LRRC3B: variants seen among roughly 807,000 people sequenced by gnomAD.
The protein encoded by LRRC3B is leucine rich repeat containing 3B, also known as leucine-rich repeat-containing protein 3B.
In LRRC3B, 2 loss-of-function variants were observed where a neutral mutation model predicts 12.8. The observed-to-expected ratio is 0.16, with a 90% CI of 0.06 to 0.49. The LOEUF (loss-of-function observed/expected upper bound fraction) is 0.49, where lower values mean the gene tolerates loss of function less well. Among genes scored for constraint, LRRC3B ranks in the 20% least tolerant of loss-of-function variants. The pLI is 0.96. For synonymous variants in LRRC3B, 132 were observed against 122.0 expected, an observed-to-expected ratio of 1.08 and a Z score of -0.54; for missense variants, 189 against 319.4, an observed-to-expected ratio of 0.59 and a Z score of 3.11.
chr3:26,631,037 T>C (rs1251234484), intron 1 of LRRC3B, among the ~76,000 whole-genome samples: 1 of 152,144 alleles, frequency 6.6e-6, no homozygotes, highest in African/African-American at 2.4e-5. Flanking sequence ...CTTTTTCTGC[T>C]CTGTTCTTAG....
At chr3:26,633,903 A>G (rs1189512058) in intron 1 of LRRC3B, among the ~76,000 whole-genome samples, 1 of 152,210 alleles carries the variant, frequency 6.6e-6, no homozygotes, top group Non-Finnish European at 1.5e-5. Flanking sequence ...GGTTTTCCAA[A>G]AAGTGTCAGA....
rs116375071 is a variant in LRRC3B at position 26,685,982 on chromosome 3, G to A, written c.-160-23531G>A. Among the ~76,000 whole-genome samples the A allele has an allele frequency of 7.9e-3, 1,203 of 152,104 alleles. 14 individuals are homozygous for A. Among genetic ancestry groups the A allele is most frequent in the African/African-American group, 0.028 (1,157 of 41,486 alleles). ...AGGAAATACCAAGTTCTTAGGCTTA[G>A]TTAAAAAAAGTTACTTGTTCATTAA... On this transcript the variant is annotated intron_variant, in intron 1 of 1. Coordinates refer to ENST00000396641, the Ensembl canonical transcript of LRRC3B.
At chr3:26,691,103 G>GTATATATATATATATA (rs1298635555) in intron 1 of LRRC3B, among the ~76,000 whole-genome samples, 16 of 44,962 alleles carry the variant, frequency 3.6e-4, no homozygotes, top group Admixed American at 6.6e-4. Context: ...GTGTGTGTGT[G>GTATATATATATATATA]TGTATATATA....
At chr3:26,646,437 A>T (rs558238618) in intron 1 of LRRC3B, among the ~76,000 whole-genome samples, 2 of 152,142 alleles carry the variant, frequency 1.3e-5, no homozygotes, top group Admixed American at 6.5e-5. Context: ...ATCCATTTGG[A>T]TTCATTTCCT....
intron 1 of LRRC3B, among the ~76,000 whole-genome samples, chr3:26,623,546 C>G (rs564665058): frequency 6.6e-6 from 1 of 152,310 alleles, no homozygotes; most frequent in East Asian, 1.9e-4. Context: ...TTGCCCTTCC[C>G]CCAGCCCCTC....
At chr3:26,654,398 A>G (rs1302513129) in intron 1 of LRRC3B, among the ~76,000 whole-genome samples, 2 of 152,196 alleles carry the variant, frequency 1.3e-5, no homozygotes, top group African/African-American at 4.8e-5. Flanking sequence ...TATATAAATT[A>G]AACCAGAATT....
intron 1 of LRRC3B, among the ~76,000 whole-genome samples, chr3:26,706,589 A>T (rs543833825): frequency 8.5e-5 from 13 of 152,328 alleles, no homozygotes; most frequent in African/African-American, 3.1e-4. Flanking sequence ...ACCATTTGGG[A>T]TATGACGGAT....
At chr3:26,657,576 G>A (rs1379480876) in intron 1 of LRRC3B, among the ~76,000 whole-genome samples, 1 of 152,018 alleles carries the variant, frequency 6.6e-6, no homozygotes, top group African/African-American at 2.4e-5. Context: ...TGAGTTGATG[G>A]TATTAGTCAT....
intron 1 of LRRC3B, among the ~76,000 whole-genome samples, chr3:26,627,346 G>T (rs1275497022): frequency 6.6e-6 from 1 of 152,142 alleles, no homozygotes; most frequent in African/African-American, 2.4e-5. Flanking sequence ...AGATCAGCGG[G>T]GCAAGAGTCA....
intron 1 of LRRC3B, among the ~76,000 whole-genome samples, chr3:26,693,506 C>T (rs1276813037): frequency 6.6e-6 from 1 of 152,016 alleles, no homozygotes; most frequent in African/African-American, 2.4e-5. Context: ...ATTTAAGGAG[C>T]TTTAAAGTTG....
At chr3:26,668,058 A>T (rs146470029) in intron 1 of LRRC3B, among the ~76,000 whole-genome samples, 1,523 of 152,258 alleles carry the variant, frequency 0.01, 17 homozygotes, top group African/African-American at 0.033. Flanking sequence ...TTCAGAGTAC[A>T]TGATGGGGCA....
chr3:26,629,173 C>A (rs1198927075), intron 1 of LRRC3B, among the ~76,000 whole-genome samples: 2 of 151,682 alleles, frequency 1.3e-5, no homozygotes, highest in Non-Finnish European at 2.9e-5. Flanking sequence ...CTCTTTTCCT[C>A]CTCTACCCCT....
chr3:26,685,741 T>C (rs1700075016), intron 1 of LRRC3B, among the ~76,000 whole-genome samples: 1 of 151,782 alleles, frequency 6.6e-6, no homozygotes, highest in African/African-American at 2.4e-5. Context: ...TTCAGAAAGA[T>C]CTTAGTTTCA....
intron 1 of LRRC3B, among the ~76,000 whole-genome samples, chr3:26,697,345 T>A (rs890836848): frequency 2.0e-5 from 3 of 152,202 alleles, no homozygotes; most frequent in African/African-American, 7.2e-5. Context: ...CTTCTTGACT[T>A]GTGGCTATAT....
At chr3:26,685,275 T>C (rs932104814) in intron 1 of LRRC3B, among the ~76,000 whole-genome samples, 2 of 151,884 alleles carry the variant, frequency 1.3e-5, no homozygotes, top group African/African-American at 2.4e-5. Context: ...ATTGTTGTTG[T>C]TTTTTGGCGG....
chr3:26,671,221 T>C (rs945521744), intron 1 of LRRC3B, among the ~76,000 whole-genome samples: 10 of 144,916 alleles, frequency 6.9e-5, no homozygotes, highest in African/African-American at 2.6e-4. Flanking sequence ...TTCACCGTTT[T>C]AGCCGGGATG....
At chr3:26,676,465 T>G (rs1699863517) in intron 1 of LRRC3B, among the ~76,000 whole-genome samples, 1 of 152,198 alleles carries the variant, frequency 6.6e-6, no homozygotes, top group South Asian at 2.1e-4. Context: ...GTGCCACATT[T>G]TCTTAATCCA....
chr3:26,665,195 T>C (rs1699574488), intron 1 of LRRC3B, among the ~76,000 whole-genome samples: 1 of 152,072 alleles, frequency 6.6e-6, no homozygotes, highest in East Asian at 1.9e-4. Flanking sequence ...GGGCCCTGAC[T>C]AAATGCCCAG....
intron 1 of LRRC3B, among the ~76,000 whole-genome samples, chr3:26,699,872 A>C (rs1427537069): frequency 1.3e-5 from 2 of 152,212 alleles, no homozygotes; most frequent in East Asian, 3.9e-4. Context: ...ATATGGATGT[A>C]GCAGAGACAT....
Sources: allele counts gnomAD v4.1 joint callset (sites outside exome capture counted in the v4.1 genomes callset), GRCh38; gene constraint gnomAD v4.1.1; transcripts MANE v1.5; gene names NCBI Gene and HGNC (gene_info 2026-07-23, HGNC 2026-07-21).